AGBL1: variants seen among roughly 807,000 people sequenced by gnomAD.
AGBL1 encodes the protein AGBL carboxypeptidase 1, also known as cytosolic carboxypeptidase 4.
Under a neutral mutation model 118.9 loss-of-function variants are expected in AGBL1, and 130 were observed. That is an observed-to-expected ratio of 1.09 (90% CI 0.95 to 1.26). The LOEUF (loss-of-function observed/expected upper bound fraction) is 1.26. Among genes scored for constraint, AGBL1 ranks in the 50% most tolerant of loss-of-function variants. AGBL1 has a pLI of 0.00. For synonymous variants in AGBL1, 555 were observed against 478.9 expected, an observed-to-expected ratio of 1.16 and a Z score of -2.08; for missense variants, 1,584 against 1,298.1, an observed-to-expected ratio of 1.22 and a Z score of -3.38.
intron 18 of AGBL1, among the ~76,000 whole-genome samples, chr15:86,484,072 C>T (rs1238971513): frequency 3.9e-5 from 6 of 152,070 alleles, no homozygotes; most frequent in Admixed American, 2.0e-4. Context: ...CTTATCTATC[C>T]GTGAAGAGCC....
At chr15:86,969,172 T>C (rs1387057685) in intron 23 of AGBL1, among the ~76,000 whole-genome samples, 1 of 151,962 alleles carries the variant, frequency 6.6e-6, no homozygotes, top group African/African-American at 2.4e-5. Context: ...GTTCAAAGTC[T>C]CATCTAAATC....
At chr15:86,471,174 CT>C (rs765204948) in intron 18 of AGBL1, among the ~76,000 whole-genome samples, 5 of 151,930 alleles carry the variant, frequency 3.3e-5, no homozygotes, top group African/African-American at 4.8e-5. Context: ...CATAAATGGC[CT>C]TTTAAATATT....
At chr15:86,932,825 TTTTC>T (rs1245032161) in intron 23 of AGBL1, 1 of 152,216 alleles carries the variant, frequency 6.6e-6, no homozygotes, top group Non-Finnish European at 1.5e-5. Flanking sequence ...TCTGGACTGA[TTTTC>T]TTTCTGATGA....
At chr15:86,848,614 T>G (rs12906448) in intron 22 of AGBL1, among the ~76,000 whole-genome samples, 25,649 of 152,146 alleles carry the variant, frequency 0.17, 2,307 homozygotes, top group South Asian at 0.29. Context: ...AACTTATCTC[T>G]GTAGAATGGG....
At chr15:86,411,185 T>C (rs947925202) in intron 18 of AGBL1, among the ~76,000 whole-genome samples, 3 of 151,646 alleles carry the variant, frequency 2.0e-5, no homozygotes, top group Non-Finnish European at 4.4e-5. Context: ...TCAGCCTCCA[T>C]CAAGGTATCT....
intron 5 of AGBL1, among the ~76,000 whole-genome samples, chr15:86,207,622 T>C (rs1299632424): frequency 6.6e-6 from 1 of 152,178 alleles, no homozygotes; most frequent in African/African-American, 2.4e-5. Flanking sequence ...TTGTCTGTTA[T>C]TGGTGTATAG....
At chr15:86,443,155 G>A (rs2082084330) in intron 18 of AGBL1, among the ~76,000 whole-genome samples, 1 of 152,152 alleles carries the variant, frequency 6.6e-6, no homozygotes, top group South Asian at 2.1e-4. Context: ...TCTCCACTCA[G>A]CCCCTGTGGC....
intron 22 of AGBL1, among the ~76,000 whole-genome samples, chr15:86,761,908 C>T (rs775817149): frequency 6.6e-6 from 1 of 151,984 alleles, no homozygotes; most frequent in Non-Finnish European, 1.5e-5. Context: ...AATCTTTGCC[C>T]ATGCCTATGT....
intron 17 of AGBL1, among the ~76,000 whole-genome samples, chr15:86,367,544 A>G (rs1204115349): frequency 6.6e-6 from 1 of 152,052 alleles, no homozygotes; most frequent in Non-Finnish European, 1.5e-5. Context: ...CCTAGGGATC[A>G]TACTTGCCTG....
At chr15:86,134,451 G>C (rs1402311884) in intron 1 of AGBL1, among the ~76,000 whole-genome samples, 1 of 152,064 alleles carries the variant, frequency 6.6e-6, no homozygotes, top group Non-Finnish European at 1.5e-5. Context: ...CTCTATTTCT[G>C]TGAGATCAGG....
At chr15:86,966,482 C>T (rs1200655444) in intron 23 of AGBL1, among the ~76,000 whole-genome samples, 4 of 152,024 alleles carry the variant, frequency 2.6e-5, no homozygotes, top group Non-Finnish European at 5.9e-5. Context: ...CTGCTCCCAC[C>T]ACCCCACCAC....
At chr15:86,217,207 C>G (rs1175902183) in intron 5 of AGBL1, among the ~76,000 whole-genome samples, 1 of 152,042 alleles carries the variant, frequency 6.6e-6, no homozygotes, top group Non-Finnish European at 1.5e-5. Context: ...CACTTTAATT[C>G]CCTCAAACAT....
At chr15:86,177,828 G>T (rs1354969421) in intron 5 of AGBL1, among the ~76,000 whole-genome samples, 2 of 151,988 alleles carry the variant, frequency 1.3e-5, no homozygotes, top group Non-Finnish European at 2.9e-5. Flanking sequence ...TATCAGAAAA[G>T]AAGAAAGATG....
At chr15:86,240,845 G>A (rs896022748) in intron 6 of AGBL1, among the ~76,000 whole-genome samples, 1 of 152,122 alleles carries the variant, frequency 6.6e-6, no homozygotes, top group Non-Finnish European at 1.5e-5. Flanking sequence ...GAATGATAGA[G>A]GGCCTCAAGT....
chr15:86,454,317 G>A lies in AGBL1; in HGVS notation c.2555+56771G>A, dbSNP rs146434989. 2.6e-5 allele frequency among the ~76,000 whole-genome samples: 4 copies of A among 152,276 alleles called. No individual in the cohort carries two copies. The East Asian group carries it at 7.7e-4, about 29-fold the overall frequency. On this transcript the variant is annotated intron_variant, in intron 18 of 22. Coordinates refer to ENST00000614907, the MANE Select transcript of AGBL1 (RefSeq NM_001386094.1). ...TAGAACGATTGGAACTCTCTTACGTGGCCAGTTGGGGTGAACTCATATACA... is the reference window on the plus strand; with the variant it reads ...TAGAACGATTGGAACTCTCTTACGTAGCCAGTTGGGGTGAACTCATATACA...
At chr15:86,828,903 A>C (rs1276960012) in intron 22 of AGBL1, among the ~76,000 whole-genome samples, 1 of 89,898 alleles carries the variant, frequency 1.1e-5, no homozygotes, top group Non-Finnish European at 2.3e-5. Context: ...ATATGGTCAT[A>C]AAGTTCAAAA....
At chr15:86,280,253 A>G (rs1455531756) in intron 16 of AGBL1, among the ~76,000 whole-genome samples, 1 of 152,166 alleles carries the variant, frequency 6.6e-6, no homozygotes, top group African/African-American at 2.4e-5. Flanking sequence ...CAGCATCTCC[A>G]GTGGTTCCAA....
chr15:86,249,091 G>A (rs1227984680), intron 7 of AGBL1, among the ~76,000 whole-genome samples: 6 of 152,074 alleles, frequency 3.9e-5, no homozygotes, highest in Non-Finnish European at 8.8e-5. Flanking sequence ...ACCTGATTAG[G>A]GCTAATTGAA....
chr15:86,297,998 T>C (rs1312402543), intron 17 of AGBL1, among the ~76,000 whole-genome samples: 1 of 152,054 alleles, frequency 6.6e-6, no homozygotes, highest in Non-Finnish European at 1.5e-5. Context: ...CAAATAAGTG[T>C]ATTACTCTCT....
Sources: allele counts gnomAD v4.1 joint callset (sites outside exome capture counted in the v4.1 genomes callset), GRCh38; gene constraint gnomAD v4.1.1; transcripts MANE v1.5; gene names NCBI Gene and HGNC (gene_info 2026-07-23, HGNC 2026-07-21).